Variants in SEL1L3 observed in about 807,000 individuals in gnomAD.
SEL1L3 encodes SEL1L family member 3, also known as protein sel-1 homolog 3.
SEL1L3 carries 76 observed loss-of-function variants against 142.8 expected under a neutral mutation model. The ratio of observed to expected loss-of-function variants is 0.53; its 90% confidence interval spans 0.44 to 0.64. The LOEUF is 0.64. Ranked by LOEUF, SEL1L3 falls within the 30% of genes least tolerant of loss-of-function variation. The pLI is 0.00. For missense variants in SEL1L3, 1,262 were observed against 1,381.7 expected, an observed-to-expected ratio of 0.91 and a Z score of 1.37; for synonymous variants, 504 against 519.6, an observed-to-expected ratio of 0.97 and a Z score of 0.41.
chr4:25,792,381 G>C (rs1413358353), intron 11 of SEL1L3, among the ~76,000 whole-genome samples: 2 of 152,164 alleles, frequency 1.3e-5, no homozygotes, highest in African/African-American at 4.8e-5. Context: ...CGCTCCCATG[G>C]GATGTCGCCC....
chr4:25,849,972 T>C lies in SEL1L3; in HGVS notation c.163-2108A>G, dbSNP rs1407591518. ...GATAGGCTTTATGGAAGAAACGGTATCTCAGTTGGGCTTTGAGGGACGAAA... is the reference window on the plus strand; with the variant it reads ...GATAGGCTTTATGGAAGAAACGGTACCTCAGTTGGGCTTTGAGGGACGAAA... On this transcript the variant is annotated intron_variant, in intron 1 of 23. Coordinates refer to ENST00000399878, the MANE Select transcript of SEL1L3 (RefSeq NM_015187.5). Among the ~76,000 whole-genome samples the C allele has an allele frequency of 3.9e-5, 6 of 152,264 alleles. No homozygotes were observed. The South Asian group carries it at 1.2e-3, about 32-fold the overall frequency.
chr4:25,729,304 A>T, the SEL1L3 span, among the ~76,000 whole-genome samples: 1 of 152,168 alleles, frequency 6.6e-6, no homozygotes, highest in African/African-American at 2.4e-5. Context: ...CTGCATTTTA[A>T]TGTTAAGTCT....
At chr4:25,822,219 C>G in intron 6 of SEL1L3, 91 bp from the exon 7 acceptor site, 2 of 1,476,620 alleles carry the variant, frequency 1.4e-6, no homozygotes, top group East Asian at 2.3e-5. Flanking sequence ...TTGACTTAAC[C>G]CAAATTGCCC....
chr4:25,824,753 C>T (rs555940258), intron 6 of SEL1L3, among the ~76,000 whole-genome samples: 2 of 152,288 alleles, frequency 1.3e-5, no homozygotes, highest in South Asian at 4.1e-4. Context: ...TTATTGTAAT[C>T]ATACCATTTA....
intron 2 of SEL1L3, among the ~76,000 whole-genome samples, chr4:25,835,744 C>T (rs1715776040): frequency 6.6e-6 from 1 of 152,166 alleles, no homozygotes; most frequent in African/African-American, 2.4e-5. Flanking sequence ...CACTATGGTC[C>T]TGACATTTCT....
Position 25,759,035 on chromosome 4 carries a change from C to T in SEL1L3, c.2989G>A (p.Gly997Ser). ...AAGATATGGTGTGGGATTATCGTAC[C>T]TTCCTCGATTAGCAGGGCCAGGTTA... The part of the protein sequence containing the change: ...FFNLALLIEE[G>S]TIIPHHILDF... Residue 997 changes from glycine to serine, a missense_variant, in exon 21 of 24, where the codon GGT becomes AGT. Gly to Ser is a moderately conservative substitution (Grantham distance 56). Transcript: ENST00000399878. 1 of 1,613,686 alleles carries T rather than the reference C, an allele frequency of 6.2e-7. No homozygotes were observed. Among genetic ancestry groups the T allele is most frequent in the Non-Finnish European group, 8.5e-7 (1 of 1,179,800 alleles).
At chr4:25,736,914 T>C in the SEL1L3 span, among the ~76,000 whole-genome samples, 1 of 152,200 alleles carries the variant, frequency 6.6e-6, no homozygotes, top group Non-Finnish European at 1.5e-5. Flanking sequence ...TTATCTAATA[T>C]TAATAGCCAC....
chr4:25,731,894 G>T, the SEL1L3 span, among the ~76,000 whole-genome samples: 1 of 152,016 alleles, frequency 6.6e-6, no homozygotes, highest in Non-Finnish European at 1.5e-5. Flanking sequence ...CCAACATGAC[G>T]AAAACCCATC....
intron 13 of SEL1L3, among the ~76,000 whole-genome samples, chr4:25,785,003 G>A (rs1019985007): frequency 6.6e-6 from 1 of 152,204 alleles, no homozygotes; most frequent in Non-Finnish European, 1.5e-5. Flanking sequence ...AGGTCCTTGA[G>A]TATCTCTTGA....
intron 20 of SEL1L3, among the ~76,000 whole-genome samples, chr4:25,761,436 T>C (rs892276013): frequency 6.6e-6 from 1 of 152,078 alleles, no homozygotes; most frequent in African/African-American, 2.4e-5. Context: ...CACTACAGGG[T>C]TGAGCCACCG....
rs1422206661 is a variant in SEL1L3, at chr4:25,847,618, G to A, written c.409C>T (p.His137Tyr). 2 of 1,613,824 alleles carry A rather than the reference G, an allele frequency of 1.2e-6. No homozygotes were observed. The highest frequency in any genetic ancestry group is 1.7e-6 in the Non-Finnish European group (2 of 1,179,852). ...VYKKRWKNEK[H>Y]LHTSRTQIVH... ...ATTTGTGTCCTGCTGGTGTGAAGAT[G>A]TTTCTCATTCTTCCACCTTTTTTTG... Residue 137 changes from histidine to tyrosine, a missense_variant, in exon 2 of 24, where the codon CAT (histidine) becomes TAT (tyrosine). Around this residue, in one of 3 missense-constraint regions of SEL1L3, gnomAD observed 689 missense variants for 692.8 expected, o/e 0.99. Coordinates refer to ENST00000399878, the MANE Select transcript of SEL1L3 (RefSeq NM_015187.5).
intron 1 of SEL1L3, among the ~76,000 whole-genome samples, chr4:25,849,219 G>C (rs1238176832): frequency 6.6e-6 from 1 of 152,178 alleles, no homozygotes; most frequent in African/African-American, 2.4e-5. Flanking sequence ...AGGACTTGAA[G>C]AGATGTTTGT....
chr4:25,802,492 T>G, intron 10 of SEL1L3, 30 bp from the exon 11 acceptor site: 2 of 1,588,228 alleles, frequency 1.3e-6, no homozygotes, highest in Non-Finnish European at 1.7e-6. Flanking sequence ...AAAGCGTTCA[T>G]GAGATTGTAG....
intron 23 of SEL1L3, 70 bp downstream of exon 23, chr4:25,757,456 CCAAAAAAA>C (rs1353125685): frequency 1.9e-4 from 101 of 527,132 alleles, no homozygotes; most frequent in East Asian, 7.5e-4. Context: ...TTCCAGTAGA[CCAAAAAAA>C]AAAAAAAAAA....
intron 9 of SEL1L3, 109 bp from the exon 10 acceptor site, chr4:25,804,861 G>T (rs1713447732): frequency 2.6e-6 from 2 of 773,762 alleles, no homozygotes; most frequent in Non-Finnish European, 4.4e-6. Flanking sequence ...GATATGGTCG[G>T]TCCTGCAGTG....
At chr4:25,858,648 C>T (rs538617367) in intron 1 of SEL1L3, among the ~76,000 whole-genome samples, 75 of 152,130 alleles carry the variant, frequency 4.9e-4, no homozygotes, top group Non-Finnish European at 8.5e-4. Context: ...TGCAGCGGCG[C>T]GATCTCAGCT....
chr4:25,778,863 T>A (rs182585298), intron 16 of SEL1L3, among the ~76,000 whole-genome samples: 77 of 152,252 alleles, frequency 5.1e-4, no homozygotes, highest in Admixed American at 1.2e-3. Context: ...TGGGATGAAG[T>A]GAGGTAGGCA....
chr4:25,820,854 C>T (rs1321057101), intron 7 of SEL1L3, among the ~76,000 whole-genome samples: 1 of 152,120 alleles, frequency 6.6e-6, no homozygotes, highest in East Asian at 1.9e-4. Flanking sequence ...AATCTTGGCT[C>T]ACTGCAACCT....
At chr4:25,725,495 T>C in the SEL1L3 span, among the ~76,000 whole-genome samples, 1 of 152,132 alleles carries the variant, frequency 6.6e-6, no homozygotes, top group Admixed American at 6.5e-5. Context: ...TTTGTATTTT[T>C]GGTAGAGACG....
Sources: gnomAD v4.1 joint callset for allele counts (sites outside exome capture counted in the v4.1 genomes callset) on GRCh38, gnomAD v4.1.1 for gene constraint, gnomAD v4.1.1 regional missense constraint, MANE v1.5 for transcripts, NCBI Gene and HGNC (gene_info 2026-07-23, HGNC 2026-07-21) for gene names.